The following KIF4A variants were observed in gnomAD, a reference collection of about 807,000 sequenced individuals.
The protein encoded by KIF4A is kinesin family member 4A.
In KIF4A, 7 loss-of-function variants were observed where a neutral mutation model predicts 105.9. The ratio of observed to expected loss-of-function variants is 0.07; its 90% CI spans 0.04 to 0.12. KIF4A has a LOEUF of 0.12. KIF4A is among the 10% of genes least tolerant of loss of function. KIF4A has a pLI of 1.00. For synonymous variants in KIF4A, 281 were observed against 331.3 expected, an observed-to-expected ratio of 0.85 and a Z score of 1.65; for missense variants, 558 against 929.2, an observed-to-expected ratio of 0.60 and a Z score of 5.19.
intron 15 of KIF4A, among the ~76,000 whole-genome samples, chrX:70,370,240 T>C (rs1311613752): frequency 9.0e-6 from 1 of 110,787 alleles, no homozygotes; most frequent in Admixed American, 9.8e-5. Context: ...TGTAAATGTC[T>C]AGATATGTAA....
At chrX:70,350,309 A>G (rs2086024105) in intron 13 of KIF4A, among the ~76,000 whole-genome samples, 1 of 111,147 alleles carries the variant, frequency 9.0e-6, no homozygotes, top group Non-Finnish European at 1.9e-5. Context: ...ACACGGCGAA[A>G]CCCCGTCTCC....
At chrX:70,397,586 A>C (rs1416707906) in intron 22 of KIF4A, among the ~76,000 whole-genome samples, 6 of 111,931 alleles carry the variant, frequency 5.4e-5, no homozygotes, top group Non-Finnish European at 9.4e-5. Context: ...TCTGTCCCTC[A>C]TCTCCTAGCT....
intron 4 of KIF4A, among the ~76,000 whole-genome samples, chrX:70,297,472 G>C (rs1308038688): frequency 8.9e-6 from 1 of 112,306 alleles, no homozygotes; most frequent in East Asian, 2.8e-4. Context: ...TACCTGTATA[G>C]TCTGCAGAAG....
At chrX:70,337,205 G>T (rs1396356516) in intron 10 of KIF4A, among the ~76,000 whole-genome samples, 1 of 111,659 alleles carries the variant, frequency 9.0e-6, no homozygotes, top group African/African-American at 3.3e-5. Flanking sequence ...TGGGTGTACA[G>T]CTAGGTGTGG....
At chrX:70,395,448 A>G (rs1318345383) in intron 20 of KIF4A, among the ~76,000 whole-genome samples, 1 of 112,055 alleles carries the variant, frequency 8.9e-6, no homozygotes, top group Admixed American at 9.5e-5. Context: ...GAATCTGGAG[A>G]AAGATTTTCT....
At chrX:70,381,649 A>C (rs756658194) in intron 18 of KIF4A, among the ~76,000 whole-genome samples, 30 of 112,557 alleles carry the variant, frequency 2.7e-4, no homozygotes, top group Non-Finnish European at 4.5e-4. Flanking sequence ...CTTGAAAACT[A>C]CTGAACATCA....
chrX:70,340,136 G>A (rs976808289), intron 10 of KIF4A, among the ~76,000 whole-genome samples: 1 of 111,457 alleles, frequency 9.0e-6, no homozygotes, highest in African/African-American at 3.3e-5. Context: ...TACTAGCTGT[G>A]TGGCTATAGG....
rs751837434 is a variant in KIF4A at position 70,353,645 on chromosome X, G to A, written c.1512G>A (p.Thr504=). The A allele has an allele frequency of 8.3e-6, 10 of 1,208,449 alleles. No homozygotes were observed. The East Asian group carries it at 2.7e-4, about 32-fold the overall frequency. The change falls in exon 15 of 31, where the codon ACG becomes ACA. Residue 504 remains threonine (T), a synonymous_variant. Transcript: ENST00000374403. ...AGCAAGTAGAAACCAGTCCAGAGAC[G>A]AGCAGGTCTTCTGACGCTTTTACCA... ...QEAQVETSPE[T]SRSSDAFTTQ...
chrX:70,305,074 T>C (rs1199446), intron 7 of KIF4A, among the ~76,000 whole-genome samples: 15,149 of 111,393 alleles, frequency 0.14, 1,587 homozygotes, highest in African/African-American at 0.36. Flanking sequence ...TGTGTAAATT[T>C]TCACGTGGAC....
intron 4 of KIF4A, among the ~76,000 whole-genome samples, chrX:70,297,744 G>T (rs2085788864): frequency 9.0e-6 from 1 of 111,486 alleles, no homozygotes; most frequent in African/African-American, 3.3e-5. Flanking sequence ...TAGTATAGTT[G>T]TAGACTGGCC....
chrX:70,322,313 T>C, intron 7 of KIF4A, among the ~76,000 whole-genome samples: 1 of 108,018 alleles, frequency 9.3e-6, no homozygotes, highest in Non-Finnish European at 1.9e-5. Flanking sequence ...ATTTATTTTA[T>C]TTATTTATTT....
At chrX:70,299,230 TA>T (rs1157822704) in intron 5 of KIF4A, 28 bp downstream of exon 5, 2 of 1,148,164 alleles carry the variant, frequency 1.7e-6, no homozygotes, top group Non-Finnish European at 2.3e-6. Context: ...TTGATGTTAT[TA>T]AAAAAATTTG....
At chrX:70,402,509 C>T (rs2086285822) in intron 22 of KIF4A, 57 bp from the exon 23 acceptor site, 1 of 1,171,854 alleles carries the variant, frequency 8.5e-7, no homozygotes, top group Admixed American at 2.3e-5. Context: ...CAGAGCTCTT[C>T]CCCCTTCTTG....
chrX:70,359,439 C>T (rs1418750555), intron 15 of KIF4A, among the ~76,000 whole-genome samples: 1 of 106,881 alleles, frequency 9.4e-6, no homozygotes, highest in Admixed American at 1.0e-4. Context: ...TTCTTTCTTT[C>T]TCTCTCTCTC....
chrX:70,330,182 T>G lies in KIF4A; in HGVS notation c.921T>G (p.Thr307=). 8.3e-7 allele frequency: 1 copy of G among 1,206,817 alleles called. No homozygotes were observed. Among genetic ancestry groups the G allele is most frequent in the Admixed American group, 2.2e-5 (1 of 45,568 alleles). Residue 307 remains threonine, a synonymous_variant, in exon 9 of 31, where the codon ACT becomes ACG. Transcript: ENST00000374403. ...LQDSLGGNSH[T]LMIACVSPAD... is the part of the protein sequence containing the mutation. ...ATTCTCTAGGAGGTAATAGCCATAC[T>G]CTTATGATAGCCTGTGTGAGTCCTG...
rs555374487 is a variant in KIF4A at position 70,292,753 on chromosome X, G to C, written c.235+1948G>C. ...ATGCTTTTCAGACCCTGCACTATCT[G>C]GTCAGATTCCTCAGGCTATACCTCC... On this transcript the variant is annotated intron_variant, in intron 3 of 30. Transcript: ENST00000374403. 1.4e-3 allele frequency among the ~76,000 whole-genome samples: 160 copies of C among 111,756 alleles called. 2 individuals carry two copies. In the South Asian group the frequency reaches 0.057, roughly 40 times the overall value.
chrX:70,420,000 C>T, intron 30 of KIF4A, 62 bp from the exon 31 acceptor site: 5 of 1,085,679 alleles, frequency 4.6e-6, no homozygotes, highest in South Asian at 4.0e-5. Flanking sequence ...TATAGCAGCT[C>T]GGCTGGGCTG....
chrX:70,388,908 A>G (rs2086227610), intron 20 of KIF4A, among the ~76,000 whole-genome samples: 1 of 111,890 alleles, frequency 8.9e-6, no homozygotes. Context: ...ATGCCATCCA[A>G]TTTATTGATA....
intron 2 of KIF4A, 22 bp from the exon 3 acceptor site, chrX:70,290,669 C>T (rs201493060): frequency 2.5e-6 from 3 of 1,203,172 alleles, no homozygotes; most frequent in Middle Eastern, 2.3e-4. Flanking sequence ...TAACCTTACG[C>T]CTTGTCCCGT....
Sources: gnomAD v4.1 joint callset for allele counts (sites outside exome capture counted in the v4.1 genomes callset) on GRCh38, gnomAD v4.1.1 for gene constraint, MANE v1.5 for transcripts, NCBI Gene and HGNC (gene_info 2026-07-23, HGNC 2026-07-21) for gene names.